SVOPL: variants seen among roughly 807,000 people sequenced by gnomAD.
SVOPL encodes the protein SVOP like.
In SVOPL, 60 loss-of-function variants were observed where a neutral mutation model predicts 61.0. The ratio of observed to expected loss-of-function variants is 0.98; its 90% confidence interval spans 0.80 to 1.22. The LOEUF (loss-of-function observed/expected upper bound fraction) is 1.22, where lower values mean the gene tolerates loss of function less well. Among genes scored for constraint, SVOPL ranks in the 50% most tolerant of loss-of-function variants. The pLI, the probability that SVOPL is intolerant of heterozygous loss-of-function variation, is 0.00. For synonymous variants in SVOPL, 279 were observed against 250.0 expected (o/e 1.12, Z -1.09); for missense variants, 662 against 643.9 (o/e 1.03, Z -0.30).
At position 138,605,364 on chromosome 7, in the gene SVOPL, A is replaced by G. The variant is rs536127597; in HGVS notation, c.1354-8834T>C. 1.9e-4 allele frequency among the ~76,000 whole-genome samples: 29 copies of G among 152,142 alleles called. No homozygotes were observed. In the East Asian group the frequency reaches 5.6e-3, roughly 30 times the overall value. ...AAGAAAATTTTCCCATGTCTTTTTA[A>G]TAAGACTAGAATGAAGGCCGGGTGC... is the stretch of plus-strand genomic sequence containing the variant. On this transcript the variant is annotated intron_variant, in intron 14 of 15. Coordinates refer to ENST00000674285, the MANE Select transcript of SVOPL (RefSeq NM_001139456.2).
rs191553464 is a variant in SVOPL at position 138,604,066 on chromosome 7, T to A, written c.1354-7536A>T. Among the ~76,000 whole-genome samples, 7 of 150,698 alleles carry A rather than the reference T, an allele frequency of 4.6e-5. No homozygotes were observed. In the East Asian group the frequency reaches 1.4e-3, roughly 30 times the overall value. On this transcript the variant is annotated intron_variant, in intron 14 of 15. Transcript: ENST00000674285. Reference sequence around the variant, plus strand: ...GCAGTGTCGACCTCCTGGGCTCAAGTGATCCTCTCAGCTCAGCCTCTCAAG... The same window carrying A: ...GCAGTGTCGACCTCCTGGGCTCAAGAGATCCTCTCAGCTCAGCCTCTCAAG...
intron 14 of SVOPL, among the ~76,000 whole-genome samples, chr7:138,614,524 T>C (rs971997416): frequency 6.6e-6 from 1 of 151,546 alleles, no homozygotes; most frequent in African/African-American, 2.4e-5. Flanking sequence ...GCCTCCTGAG[T>C]AGCTGGGATT....
chr7:138,594,902 G>A (rs1003191325), intron 15 of SVOPL, among the ~76,000 whole-genome samples: 2 of 150,178 alleles, frequency 1.3e-5, no homozygotes, highest in African/African-American at 4.9e-5. Flanking sequence ...ATATATACAC[G>A]TGTGTGTCTG....
intron 1 of SVOPL, among the ~76,000 whole-genome samples, chr7:138,699,226 C>T (rs933160724): frequency 6.6e-6 from 1 of 152,032 alleles, no homozygotes; most frequent in Non-Finnish European, 1.5e-5. Context: ...ATCTCTTGAA[C>T]CTGGGAGGCG....
intron 1 of SVOPL, among the ~76,000 whole-genome samples, chr7:138,687,228 C>CTTTTTTT (rs71179722): frequency 4.8e-4 from 37 of 77,032 alleles, no homozygotes; most frequent in African/African-American, 5.7e-4. Context: ...CTTTTTTCCT[C>CTTTTTTT]TTTTTTTTTT....
intron 4 of SVOPL, among the ~76,000 whole-genome samples, chr7:138,670,089 T>A (rs1354785636): frequency 6.6e-6 from 1 of 152,188 alleles, no homozygotes; most frequent in African/African-American, 2.4e-5. Flanking sequence ...GCAAAAATTA[T>A]AATAGAAAAA....
chr7:138,689,343 G>T (rs1006915787), intron 1 of SVOPL: 16 of 1,591,436 alleles, frequency 1.0e-5, no homozygotes, highest in Non-Finnish European at 1.3e-5. Flanking sequence ...AGTGAACAAA[G>T]CACCTAAGAT....
chr7:138,691,384 T>G (rs1255624415), intron 1 of SVOPL, among the ~76,000 whole-genome samples: 1 of 152,186 alleles, frequency 6.6e-6, no homozygotes. Flanking sequence ...CTCAGACCCA[T>G]CTAAACGTAT....
intron 14 of SVOPL, among the ~76,000 whole-genome samples, chr7:138,606,273 T>C (rs1798754175): frequency 6.6e-6 from 1 of 152,094 alleles, no homozygotes; most frequent in African/African-American, 2.4e-5. Context: ...AATTAAGGAA[T>C]GTGGACACCA....
chr7:138,600,237 A>C (rs191422499), intron 14 of SVOPL, among the ~76,000 whole-genome samples: 3 of 152,350 alleles, frequency 2.0e-5, no homozygotes, highest in Admixed American at 6.5e-5. Flanking sequence ...ATTGATTAAT[A>C]ATGAACAAAG....
chr7:138,674,427 T>G (rs1802505026), intron 3 of SVOPL, among the ~76,000 whole-genome samples: 1 of 151,826 alleles, frequency 6.6e-6, no homozygotes, highest in Non-Finnish European at 1.5e-5. Flanking sequence ...TCATAAAGCA[T>G]CCCATCGTAA....
At chr7:138,700,828 A>G (rs1228351842) in intron 1 of SVOPL, among the ~76,000 whole-genome samples, 2 of 152,180 alleles carry the variant, frequency 1.3e-5, no homozygotes, top group African/African-American at 4.8e-5. Context: ...AAAGTAATCC[A>G]TGACCTACCT....
intron 1 of SVOPL, among the ~76,000 whole-genome samples, chr7:138,696,560 T>C (rs995628086): frequency 3.3e-5 from 5 of 152,052 alleles, no homozygotes; most frequent in African/African-American, 4.8e-5. Context: ...GTAGCTGGCA[T>C]TACAGGTGCC....
chr7:138,695,474 G>A (rs554725073), intron 1 of SVOPL, among the ~76,000 whole-genome samples: 1 of 152,282 alleles, frequency 6.6e-6, no homozygotes, highest in African/African-American at 2.4e-5. Flanking sequence ...ATCATGCACT[G>A]CACTACAGCA....
intron 9 of SVOPL, among the ~76,000 whole-genome samples, chr7:138,644,230 ACT>A (rs1800980632): frequency 6.8e-6 from 1 of 147,170 alleles, no homozygotes; most frequent in Non-Finnish European, 1.5e-5. Context: ...AAAAAAAGGA[ACT>A]CTCTGCTCAA....
intron 9 of SVOPL, among the ~76,000 whole-genome samples, chr7:138,631,385 A>G (rs1800181859): frequency 6.6e-6 from 1 of 152,188 alleles, no homozygotes; most frequent in Non-Finnish European, 1.5e-5. Context: ...TGAGTAAGTT[A>G]TTAACTATAG....
At position 138,643,605 on chromosome 7, in the gene SVOPL, T is replaced by C. The variant is rs146810874; in HGVS notation, c.789+1112A>G. 4.7e-3 allele frequency among the ~76,000 whole-genome samples: 712 copies of C among 152,092 alleles called. 7 individuals carry two copies. The highest frequency in any genetic ancestry group is 0.016 in the African/African-American group (655 of 41,458). ...TAACAAGGAAGAAAATTCTGACCTA[T>C]GCTACATGGATGAACCTTAAGGACA... On this transcript the variant is annotated intron_variant, in intron 9 of 15. Coordinates refer to ENST00000674285, the MANE Select transcript of SVOPL (RefSeq NM_001139456.2).
chr7:138,663,780 T>C (rs1475627629), intron 4 of SVOPL, among the ~76,000 whole-genome samples: 2 of 152,184 alleles, frequency 1.3e-5, no homozygotes, highest in Non-Finnish European at 2.9e-5. Flanking sequence ...CTTCAAGAAG[T>C]TCAGGCTTCA....
intron 1 of SVOPL, among the ~76,000 whole-genome samples, chr7:138,696,540 A>G (rs1473627638): frequency 6.6e-6 from 1 of 152,074 alleles, no homozygotes; most frequent in Non-Finnish European, 1.5e-5. Flanking sequence ...CTCCTGCCTC[A>G]GCCTCCCAAG....
Sources: gnomAD v4.1 joint callset for allele counts (sites outside exome capture counted in the v4.1 genomes callset) on GRCh38, gnomAD v4.1.1 for gene constraint, MANE v1.5 for transcripts, NCBI Gene and HGNC (gene_info 2026-07-23, HGNC 2026-07-21) for gene names.